Variants in KIZ observed in about 807,000 individuals in gnomAD.
The protein encoded by KIZ is centrosomal protein kizuna.
A neutral mutation model predicts 79.6 loss-of-function variants in KIZ; 68 were observed. The ratio of observed to expected loss-of-function variants is 0.85; its 90% CI spans 0.70 to 1.05. KIZ has a LOEUF of 1.05. Ranked by LOEUF, KIZ falls within the 50% of genes least tolerant of loss-of-function variation. KIZ has a pLI of 0.00. For missense variants in KIZ, 797 were observed against 800.4 expected, an observed-to-expected ratio of 1.00 and a Z score of 0.05; for synonymous variants, 280 against 281.8, an observed-to-expected ratio of 0.99 and a Z score of 0.06.
intron 6 of KIZ, among the ~76,000 whole-genome samples, chr20:21,171,876 T>C (rs949286536): frequency 5.3e-5 from 8 of 152,230 alleles, no homozygotes; most frequent in Non-Finnish European, 8.8e-5. Context: ...GCAGCTGTGC[T>C]GAAGAAATTA....
At chr20:21,184,146 CTTTTTT>C (rs545005735) in intron 6 of KIZ, among the ~76,000 whole-genome samples, 1 of 137,710 alleles carries the variant, frequency 7.3e-6, no homozygotes. Context: ...TCCCTGACAT[CTTTTTT>C]TTTTTTTTTT....
At chr20:21,181,335 C>G (rs892057245) in intron 6 of KIZ, among the ~76,000 whole-genome samples, 1 of 152,186 alleles carries the variant, frequency 6.6e-6, no homozygotes, top group Non-Finnish European at 1.5e-5. Flanking sequence ...ATTGTTAACT[C>G]AGATTTTTTA....
chr20:21,243,628 C>CA (rs1329924473), intron 11 of KIZ, among the ~76,000 whole-genome samples: 1 of 152,172 alleles, frequency 6.6e-6, no homozygotes, highest in Non-Finnish European at 1.5e-5. Flanking sequence ...AAAAGGCACA[C>CA]AGAGAAATCA....
At chr20:21,149,244 T>C (rs1034708613) in intron 4 of KIZ, among the ~76,000 whole-genome samples, 2 of 152,172 alleles carry the variant, frequency 1.3e-5, no homozygotes, top group African/African-American at 4.8e-5. Flanking sequence ...AAAGATAGTA[T>C]GGGTAGCTCT....
chr20:21,195,153 G>C (rs1211370568), intron 6 of KIZ: 3 of 152,206 alleles, frequency 2.0e-5, no homozygotes, highest in Non-Finnish European at 4.4e-5. Context: ...GAAGCTTCTA[G>C]AGGGTGATGA....
chr20:21,147,144 C>A (rs1316492582), intron 4 of KIZ, among the ~76,000 whole-genome samples: 2 of 151,426 alleles, frequency 1.3e-5, no homozygotes, highest in South Asian at 4.2e-4. Flanking sequence ...CTTTTTTTTT[C>A]TTTATTTACC....
At chr20:21,181,711 G>A (rs1048345635) in intron 6 of KIZ, among the ~76,000 whole-genome samples, 1 of 152,034 alleles carries the variant, frequency 6.6e-6, no homozygotes, top group Admixed American at 6.5e-5. Context: ...CACCCTCCTC[G>A]GCCTCCCAAA....
At chr20:21,209,678 T>G (rs2035985876) in intron 7 of KIZ, among the ~76,000 whole-genome samples, 1 of 152,276 alleles carries the variant, frequency 6.6e-6, no homozygotes. Flanking sequence ...AGAAATTACT[T>G]CCAGTGTCCA....
At chr20:21,226,914 G>A (rs993106172) in intron 9 of KIZ, among the ~76,000 whole-genome samples, 31 of 152,284 alleles carry the variant, frequency 2.0e-4, no homozygotes, top group African/African-American at 6.7e-4. Flanking sequence ...GGAAGTGGTG[G>A]GCTCTGGTTG....
intron 12 of KIZ, chr20:21,244,552 G>A (rs1193900352): frequency 2.0e-6 from 1 of 492,198 alleles, no homozygotes; most frequent in Non-Finnish European, 3.6e-6. Context: ...TGGCCTCCAT[G>A]TCTAATTAAT....
At chr20:21,172,288 A>G (rs1371969789) in intron 6 of KIZ, among the ~76,000 whole-genome samples, 1 of 152,210 alleles carries the variant, frequency 6.6e-6, no homozygotes, top group African/African-American at 2.4e-5. Flanking sequence ...AATATAAACC[A>G]GTAAACAATC....
rs535619326 is a variant in KIZ at position 21,236,702 on chromosome 20, A to T, written c.1880+3872A>T. Among the ~76,000 whole-genome samples, 17 of 151,934 alleles carry T rather than the reference A, an allele frequency of 1.1e-4. No individual in the cohort carries two copies. In the East Asian group the frequency reaches 3.3e-3, roughly 29 times the overall value. On this transcript the variant is annotated intron_variant, in intron 11 of 12. Coordinates refer to ENST00000619189, the MANE Select transcript of KIZ (RefSeq NM_018474.6). ...GGCTATTTTTTCTTTTTTTAAAAAA[A>T]TGATATGACAGGCCAGGCGCAGTGG...
intron 6 of KIZ, among the ~76,000 whole-genome samples, chr20:21,191,185 G>A (rs912676745): frequency 2.0e-5 from 3 of 152,150 alleles, no homozygotes; most frequent in Admixed American, 6.5e-5. Flanking sequence ...ATAGTTACTA[G>A]GTATCCATCT....
At chr20:21,143,060 C>T (rs2122476719) in intron 3 of KIZ, among the ~76,000 whole-genome samples, 2 of 152,108 alleles carry the variant, frequency 1.3e-5, no homozygotes, top group South Asian at 4.1e-4. Context: ...TGAACGTTCC[C>T]CCATATCTTT....
chr20:21,165,181 T>A (rs1306130633), intron 6 of KIZ, among the ~76,000 whole-genome samples: 2 of 152,192 alleles, frequency 1.3e-5, no homozygotes, highest in African/African-American at 2.4e-5. Flanking sequence ...TGAATGAATT[T>A]AATTAGCAAA....
Position 21,163,037 on chromosome 20 carries a change from C to T in KIZ, c.1230C>T (p.Ala410=), listed in dbSNP as rs1209518319. The stretch of plus-strand genomic sequence containing the variant: ...TGGAGGGAGAAGATGGAATAGAGGC[C>T]TTAAAATTAATCCATGCTGAGCAAG... ...GKMEGEDGIE[A]LKLIHAEQER... The change falls in exon 6 of 13, where the codon GCC becomes GCT. Residue 410 remains alanine, a synonymous_variant. Coordinates refer to ENST00000619189, the MANE Select transcript of KIZ (RefSeq NM_018474.6). 1 of 1,613,812 alleles carries T rather than the reference C, an allele frequency of 6.2e-7. No individual in the cohort carries two copies. The highest frequency in any genetic ancestry group is 8.5e-7 in the Non-Finnish European group (1 of 1,179,778).
At chr20:21,222,746 T>A (rs912284228) in intron 9 of KIZ, among the ~76,000 whole-genome samples, 5 of 152,196 alleles carry the variant, frequency 3.3e-5, no homozygotes, top group African/African-American at 9.6e-5. Flanking sequence ...TGGCCTTCTC[T>A]TCTGTGTCTC....
intron 4 of KIZ, among the ~76,000 whole-genome samples, chr20:21,156,800 T>G (rs2033406970): frequency 6.6e-6 from 1 of 152,060 alleles, no homozygotes; most frequent in Non-Finnish European, 1.5e-5. Flanking sequence ...CAGAAAAAAA[T>G]CATAGCTTAT....
intron 1 of KIZ, among the ~76,000 whole-genome samples, chr20:21,129,001 T>TG (rs2031665924): frequency 2.0e-5 from 3 of 152,190 alleles, no homozygotes; most frequent in Admixed American, 2.0e-4. Context: ...ACTGAAAACA[T>TG]GAACTATGGG....
Sources: allele counts gnomAD v4.1 joint callset (sites outside exome capture counted in the v4.1 genomes callset), GRCh38; gene constraint gnomAD v4.1.1; transcripts MANE v1.5; gene names NCBI Gene and HGNC (gene_info 2026-07-23, HGNC 2026-07-21).